TMEM132D: variants seen among roughly 807,000 people sequenced by gnomAD.
TMEM132D encodes the protein transmembrane protein 132D.
In TMEM132D, 21 loss-of-function variants were observed where a neutral mutation model predicts 62.3. The observed-to-expected ratio is 0.34, with a 90% confidence interval of 0.24 to 0.49. The LOEUF is 0.49. TMEM132D is among the 20% of genes least tolerant of loss of function. TMEM132D has a pLI of 0.99. For missense variants in TMEM132D, 1,346 were observed against 1,402.8 expected, an observed-to-expected ratio of 0.96 and a Z score of 0.65; for synonymous variants, 621 against 575.6, an observed-to-expected ratio of 1.08 and a Z score of -1.13.
chr12:129,425,989 A>T (rs946881359), intron 3 of TMEM132D, among the ~76,000 whole-genome samples: 3 of 152,350 alleles, frequency 2.0e-5, no homozygotes, highest in Admixed American at 1.3e-4. Flanking sequence ...TGCTATGGGT[A>T]GTGCCCAGTA....
At position 129,141,308 on chromosome 12, in the gene TMEM132D, A is replaced by G. The variant is rs141425403; in HGVS notation, c.1444-56606T>C. Among the ~76,000 whole-genome samples the G allele has an allele frequency of 3.3e-3, 497 of 152,254 alleles. 4 individuals are homozygous for G. The highest frequency in any genetic ancestry group is 0.012 in the African/African-American group (479 of 41,548). ...TCAGGCCCTGTTTTAGACTTTGGGG[A>G]CACAATTGTGAATTAGACCATGTGT... On this transcript the variant is annotated intron_variant, in intron 5 of 8. Coordinates refer to ENST00000422113, the MANE Select transcript of TMEM132D (RefSeq NM_133448.3).
At chr12:129,139,326 T>G (rs911009907) in intron 5 of TMEM132D, among the ~76,000 whole-genome samples, 1 of 152,140 alleles carries the variant, frequency 6.6e-6, no homozygotes, top group African/African-American at 2.4e-5. Flanking sequence ...CATGCAGTGG[T>G]GATTTACAAA....
intron 3 of TMEM132D, among the ~76,000 whole-genome samples, chr12:129,358,958 T>G (rs1432646434): frequency 3.9e-5 from 1 of 25,752 alleles, no homozygotes; most frequent in East Asian, 4.3e-4. Context: ...ATTTCAAGCT[T>G]TTTTTTTTTT....
chr12:129,332,008 C>T (rs1400358388), intron 4 of TMEM132D, among the ~76,000 whole-genome samples: 1 of 152,064 alleles, frequency 6.6e-6, no homozygotes, highest in African/African-American at 2.4e-5. Flanking sequence ...GCCAGGAGTT[C>T]GAGACTAGCC....
At chr12:129,561,506 C>G (rs1183593514) in intron 2 of TMEM132D, among the ~76,000 whole-genome samples, 1 of 152,128 alleles carries the variant, frequency 6.6e-6, no homozygotes, top group East Asian at 1.9e-4. Context: ...AAATCCACAG[C>G]AGACAAGAAT....
chr12:129,277,908 G>C lies in TMEM132D; in HGVS notation c.1299+59726C>G, dbSNP rs1328987579. On this transcript the variant is annotated intron_variant, in intron 4 of 8. Coordinates refer to ENST00000422113, the MANE Select transcript of TMEM132D (RefSeq NM_133448.3). The surrounding 1 kb of genome is among the most constrained non-coding windows in gnomAD (Gnocchi z 4.2). The stretch of plus-strand genomic sequence containing the variant: ...TTTAAAACTCCACTCTCTATACAGA[G>C]AGCAGCAAATGTCCTAAATGACCAC... 6.6e-6 allele frequency among the ~76,000 whole-genome samples: 1 copy of C among 152,134 alleles called. No individual in the cohort carries two copies. Among genetic ancestry groups the C allele is most frequent in the Admixed American group, 6.6e-5 (1 of 15,266 alleles).
chr12:129,850,098 C>A lies in TMEM132D; in HGVS notation c.79+53163G>T, dbSNP rs12297037. Reference sequence around the variant, plus strand: ...CTATGATCCTAGACTTAGTTTCTTTCTGAAGGTATTTTGTGGGAGAGCTGA... The same window carrying A: ...CTATGATCCTAGACTTAGTTTCTTTATGAAGGTATTTTGTGGGAGAGCTGA... On this transcript the variant is annotated intron_variant, in intron 1 of 8. Transcript: ENST00000422113. Among the ~76,000 whole-genome samples, 662 of 152,310 alleles carry A rather than the reference C, an allele frequency of 4.3e-3. 4 individuals are homozygous for A. Among genetic ancestry groups the A allele is most frequent in the African/African-American group, 0.015 (638 of 41,556 alleles).
Position 129,392,640 on chromosome 12 carries a change from A to G in TMEM132D, c.1116-54823T>C, listed in dbSNP as rs191182434. Among the ~76,000 whole-genome samples, 660 of 152,304 alleles carry G rather than the reference A, an allele frequency of 4.3e-3. 2 individuals carry two copies. Among genetic ancestry groups the G allele is most frequent in the Non-Finnish European group, 7.5e-3 (513 of 68,012 alleles). ...GGAACCTCGTTACAAATGCTGACTC[A>G]TGGTGCCCTACCATATATACAAAAT... On this transcript the variant is annotated intron_variant, in intron 3 of 8. Coordinates refer to ENST00000422113, the MANE Select transcript of TMEM132D (RefSeq NM_133448.3).
At chr12:129,358,955 GCT>G (rs1870160912) in intron 3 of TMEM132D, among the ~76,000 whole-genome samples, 1 of 98,004 alleles carries the variant, frequency 1.0e-5, no homozygotes, top group East Asian at 2.2e-4. Context: ...GAAATTTCAA[GCT>G]TTTTTTTTTT....
rs1012506093 is a variant in TMEM132D at position 129,269,763 on chromosome 12, G to A, written c.1300-60100C>T. ...CAGCTCACTTGCATCCTGGTCTCTCGTGTCTCGTTATTCGGTCGCAGTTGC... is the reference window on the plus strand; with the variant it reads ...CAGCTCACTTGCATCCTGGTCTCTCATGTCTCGTTATTCGGTCGCAGTTGC... On this transcript the variant is annotated intron_variant, in intron 4 of 8. Transcript: ENST00000422113. 5.3e-5 allele frequency among the ~76,000 whole-genome samples: 8 copies of A among 152,266 alleles called. No homozygotes were observed. The East Asian group carries it at 9.7e-4, about 18-fold the overall frequency.
chr12:129,222,705 A>T (rs1487430609), intron 4 of TMEM132D, among the ~76,000 whole-genome samples: 3 of 152,192 alleles, frequency 2.0e-5, no homozygotes, highest in Non-Finnish European at 4.4e-5. Context: ...AAGAAGCTGA[A>T]CTCACAGAAA....
chr12:129,847,295 C>T (rs1031528183), intron 1 of TMEM132D, among the ~76,000 whole-genome samples: 2 of 152,146 alleles, frequency 1.3e-5, no homozygotes, highest in South Asian at 4.1e-4. Context: ...TGTTGCTTAC[C>T]TCCTCAGCCT....
intron 4 of TMEM132D, among the ~76,000 whole-genome samples, chr12:129,252,715 C>T (rs1299631081): frequency 1.3e-5 from 2 of 152,146 alleles, no homozygotes; most frequent in African/African-American, 4.8e-5. Context: ...GATTATAAAT[C>T]ATGCTGCTAT....
intron 1 of TMEM132D, among the ~76,000 whole-genome samples, chr12:129,762,045 T>C (rs184150261): frequency 2.4e-4 from 37 of 152,240 alleles, no homozygotes; most frequent in Middle Eastern, 6.8e-3. Context: ...CAGATAAAGA[T>C]GAGACATGAA....
At chr12:129,656,002 G>C (rs570248625) in intron 2 of TMEM132D, among the ~76,000 whole-genome samples, 1 of 152,104 alleles carries the variant, frequency 6.6e-6, no homozygotes, top group African/African-American at 2.4e-5. Context: ...TACTAGAGCT[G>C]AAGCTGCTTC....
intron 3 of TMEM132D, among the ~76,000 whole-genome samples, chr12:129,395,855 ATATG>A (rs1414054416): frequency 6.8e-6 from 1 of 147,282 alleles, no homozygotes; most frequent in Non-Finnish European, 1.5e-5. Context: ...TGATACATTG[ATATG>A]TACATATGGC....
chr12:129,850,385 G>C (rs116722612), intron 1 of TMEM132D, among the ~76,000 whole-genome samples: 1 of 152,174 alleles, frequency 6.6e-6, no homozygotes, highest in Non-Finnish European at 1.5e-5. Context: ...CGGAGGATGT[G>C]CACCAGGCAC....
rs377284203 is a variant in TMEM132D, at chr12:129,868,858, T to C, written c.79+34403A>G. 3.3e-5 allele frequency among the ~76,000 whole-genome samples: 5 copies of C among 152,244 alleles called. No individual in the cohort carries two copies. In the East Asian group the frequency reaches 5.8e-4, roughly 18 times the overall value. On this transcript the variant is annotated intron_variant, in intron 1 of 8. Transcript: ENST00000422113. ...GAGCCAGGTTCGGAGGTGCCTCATC[T>C]GGCAATCACCAGGCAGGGAACAGGG...
rs1325790769 is a variant in TMEM132D at position 129,812,257 on chromosome 12, CCTCT to C, written c.79+91000_79+91003del. Among the ~76,000 whole-genome samples the C allele has an allele frequency of 2.6e-5, 4 of 151,714 alleles. No individual in the cohort carries two copies. The East Asian group carries it at 5.9e-4, about 22-fold the overall frequency. On this transcript the variant is annotated intron_variant, in intron 1 of 8. Coordinates refer to ENST00000422113, the MANE Select transcript of TMEM132D (RefSeq NM_133448.3). ...TCTCTTTCTCTTCCCCCTTAACCGACCTCTCTCTGTGTGTCTCTGACAGTGGTGT... is the reference window on the plus strand; with the variant it reads ...TCTCTTTCTCTTCCCCCTTAACCGACCTCTGTGTGTCTCTGACAGTGGTGT...
Sources: gnomAD v4.1 joint callset for allele counts (sites outside exome capture counted in the v4.1 genomes callset) on GRCh38, gnomAD v4.1.1 for gene constraint, Gnocchi (gnomAD v3.1) non-coding constraint, MANE v1.5 for transcripts, NCBI Gene and HGNC (gene_info 2026-07-23, HGNC 2026-07-21) for gene names.